Variants in EPB41 observed in about 807,000 individuals in gnomAD.
EPB41 encodes the protein protein 4.1.
Under a neutral mutation model 108.0 loss-of-function variants are expected in EPB41, and 65 were observed. That is an observed-to-expected ratio of 0.60 (90% confidence interval 0.49 to 0.74). The LOEUF (loss-of-function observed/expected upper bound fraction) is 0.74, where lower values mean the gene tolerates loss of function less well. Among genes scored for constraint, EPB41 ranks in the 30% least tolerant of loss-of-function variants. The pLI is 0.00. For missense variants in EPB41, 875 were observed against 1,037.0 expected, an observed-to-expected ratio of 0.84 and a Z score of 2.15; for synonymous variants, 336 against 358.9, an observed-to-expected ratio of 0.94 and a Z score of 0.72.
chr1:29,057,493 G>A (rs1284015194), intron 12 of EPB41, among the ~76,000 whole-genome samples: 2 of 151,144 alleles, frequency 1.3e-5, no homozygotes, highest in African/African-American at 4.9e-5. Context: ...CACTAATTTT[G>A]GTGCTCTCTT....
intron 10 of EPB41, among the ~76,000 whole-genome samples, chr1:29,036,254 A>AT (rs71022387): frequency 0.2 from 20,910 of 106,362 alleles, 2,649 homozygotes; most frequent in East Asian, 0.47. Context: ...TCCACGTGTG[A>AT]TTTTTTTTTT....
intron 8 of EPB41, 63 bp from the exon 9 acceptor site, chr1:29,033,030 A>G: frequency 6.8e-7 from 1 of 1,475,724 alleles, no homozygotes; most frequent in Non-Finnish European, 9.5e-7. Flanking sequence ...ATTATCTAGT[A>G]ATAGTCAACA....
At chr1:28,927,660 T>C (rs1367810842) in intron 1 of EPB41, among the ~76,000 whole-genome samples, 1 of 152,154 alleles carries the variant, frequency 6.6e-6, no homozygotes, top group Non-Finnish European at 1.5e-5. Flanking sequence ...CCCCCTTCTT[T>C]CCTCTCATCT....
intron 1 of EPB41, among the ~76,000 whole-genome samples, chr1:28,890,581 G>A (rs577611952): frequency 1.3e-5 from 2 of 152,280 alleles, no homozygotes; most frequent in African/African-American, 4.8e-5. Context: ...TGAGTATGAC[G>A]GGCCCACAAG....
chr1:29,042,098 C>T (rs1338608039), intron 11 of EPB41, among the ~76,000 whole-genome samples: 1 of 152,128 alleles, frequency 6.6e-6, no homozygotes, highest in Non-Finnish European at 1.5e-5. Context: ...TGTACAGCAG[C>T]CATAGTCACC....
intron 1 of EPB41, among the ~76,000 whole-genome samples, chr1:28,935,757 A>G (rs2093996654): frequency 6.6e-6 from 1 of 151,758 alleles, no homozygotes; most frequent in Non-Finnish European, 1.5e-5. Flanking sequence ...CGTCTCTACT[A>G]AAAATACAAA....
intron 19 of EPB41, among the ~76,000 whole-genome samples, chr1:29,114,746 C>T (rs1490791840): frequency 6.7e-6 from 1 of 150,346 alleles, no homozygotes; most frequent in Non-Finnish European, 1.5e-5. Context: ...CAAAAAATTA[C>T]ATTACCTTAA....
intron 11 of EPB41, among the ~76,000 whole-genome samples, chr1:29,043,377 G>A (rs1642212829): frequency 6.6e-6 from 1 of 152,148 alleles, no homozygotes; most frequent in Non-Finnish European, 1.5e-5. Context: ...CTGAAAGTAG[G>A]AATGAGCTTG....
chr1:29,101,996 A>G (rs1220586462), intron 17 of EPB41, among the ~76,000 whole-genome samples: 4 of 152,262 alleles, frequency 2.6e-5, no homozygotes, highest in Non-Finnish European at 5.9e-5. Flanking sequence ...GTCTGAGGAA[A>G]CAAGAAAAAA....
At chr1:28,992,022 T>TTA (rs2096034061) in intron 2 of EPB41, among the ~76,000 whole-genome samples, 2 of 152,180 alleles carry the variant, frequency 1.3e-5, no homozygotes, top group Admixed American at 1.3e-4. Context: ...CTTGTGGACT[T>TTA]TAATAGAGAA....
chr1:28,914,298 G>A (rs1308863710), upstream of EPB41, among the ~76,000 whole-genome samples: 1 of 152,236 alleles, frequency 6.6e-6, no homozygotes, highest in African/African-American at 2.4e-5. Context: ...GCTCCAGACC[G>A]GGTTCGACTT....
intron 16 of EPB41, chr1:29,096,470 C>T: frequency 1.0e-6 from 1 of 985,914 alleles, no homozygotes; most frequent in Non-Finnish European, 1.2e-6. Flanking sequence ...TTCCTGTCAG[C>T]TGCAACCTGG....
intron 1 of EPB41, among the ~76,000 whole-genome samples, chr1:28,908,810 C>T (rs1447925147): frequency 6.6e-6 from 1 of 151,902 alleles, no homozygotes; most frequent in African/African-American, 2.4e-5. Context: ...GATATATCCG[C>T]TTGCTAGCTT....
chr1:28,904,454 C>T (rs1433447656), intron 1 of EPB41, among the ~76,000 whole-genome samples: 4 of 152,292 alleles, frequency 2.6e-5, no homozygotes, highest in Non-Finnish European at 4.4e-5. Context: ...GCATTCTCCA[C>T]ATCATTTGAC....
In EPB41 at chr1:29,115,895, C is replaced by G; in HGVS notation, c.*6+92C>G. ...CCCTCGGACACACTGGGAGCCCATC[C>G]CCACAAAGAGGTGTTCACCCTGGGA... On this transcript the variant is annotated intron_variant, in intron 20 of 20. Coordinates refer to ENST00000343067, the MANE Select transcript of EPB41 (RefSeq NM_001376013.1). This position sits in a 1 kb window ranked among gnomAD's most constrained non-coding sequence, Gnocchi z 4.4. The G allele has an allele frequency of 1.0e-6, 1 of 973,468 alleles. No homozygotes were observed. The highest frequency in any genetic ancestry group is 1.6e-6 in the Non-Finnish European group (1 of 610,324). The allele number at this position is 973,468 out of a possible 1,614,324, so 60.3% of individuals were successfully genotyped here. A position where few individuals can be genotyped will look rare whatever the true frequency, so the allele number is the denominator to read the frequency against.
At chr1:28,924,899 C>A (rs556538539) in intron 1 of EPB41, among the ~76,000 whole-genome samples, 1 of 151,496 alleles carries the variant, frequency 6.6e-6, no homozygotes, top group East Asian at 2.0e-4. Context: ...TGGGCTCAAG[C>A]AGTCCTCCCA....
chr1:29,048,250 C>T (rs1211728620), intron 11 of EPB41, among the ~76,000 whole-genome samples: 3 of 150,116 alleles, frequency 2.0e-5, no homozygotes, highest in African/African-American at 4.9e-5. Flanking sequence ...GTTTTGCTCT[C>T]GTTGCCTAGG....
intron 1 of EPB41, among the ~76,000 whole-genome samples, chr1:28,918,425 T>A (rs904071776): frequency 2.0e-5 from 3 of 152,240 alleles, no homozygotes; most frequent in Non-Finnish European, 4.4e-5. Context: ...GATTCATTGC[T>A]ACCTCTATAT....
chr1:28,944,106 A>G (rs186291618), intron 1 of EPB41, among the ~76,000 whole-genome samples: 285 of 152,354 alleles, frequency 1.9e-3, no homozygotes, highest in Non-Finnish European at 2.6e-3. Context: ...TAAGCCAGAC[A>G]CAGGAAAACA....
Sources: allele counts gnomAD v4.1 joint callset (sites outside exome capture counted in the v4.1 genomes callset), GRCh38; gene constraint gnomAD v4.1.1; non-coding constraint Gnocchi (gnomAD v3.1); transcripts MANE v1.5; gene names NCBI Gene and HGNC (gene_info 2026-07-23, HGNC 2026-07-21).